Variants in EPPK1 observed in about 807,000 individuals in gnomAD.
EPPK1 encodes the protein epiplakin 1.
For synonymous variants in EPPK1, 1,862 were observed against 1,721.2 expected, an observed-to-expected ratio of 1.08 and a Z score of -2.03; for missense variants, 3,823 against 3,673.3, an observed-to-expected ratio of 1.04 and a Z score of -1.05.
chr8:143,871,380 C>T lies in EPPK1; in HGVS notation c.1874G>A (p.Ser625Asn). ...CCCCTTGCATCGGGCCTCATAGATG[C>T]TCAGGCGTTCCTGGGAGCCAGGGAG... ...LLLPGSQERL[S>N]IYEARCKGLL... Residue 625 changes from serine (S) to asparagine (N), a missense_variant, in exon 2 of 2, where the codon AGC becomes AAC. Transcript: ENST00000615648. 1 of 1,607,034 alleles carries T rather than the reference C, an allele frequency of 6.2e-7. No homozygotes were observed. Among genetic ancestry groups the T allele is most frequent in the Non-Finnish European group, 8.5e-7 (1 of 1,177,800 alleles).
chr8:143,877,814 C>G lies in EPPK1; in HGVS notation c.-46+624G>C, dbSNP rs187441638. Among the ~76,000 whole-genome samples the G allele has an allele frequency of 4.6e-3, 696 of 152,036 alleles. 4 individuals are homozygous for G. The highest frequency in any genetic ancestry group is 0.015 in the African/African-American group (616 of 41,500). On this transcript the variant is annotated intron_variant, in intron 1 of 1. Coordinates refer to ENST00000615648, the MANE Select transcript of EPPK1 (RefSeq NM_031308.4). ...AAGCTTGGCACAGTGCAGCGGGGGC[C>G]CAGGGCAGGGAAGCAGAGCCCTGGG...
rs781874808 is a variant in EPPK1 at position 143,872,483 on chromosome 8, A to G, written c.771T>C (p.Ala257=). 2 of 1,593,020 alleles carry G rather than the reference A, an allele frequency of 1.3e-6. No homozygotes were observed. The highest frequency in any genetic ancestry group is 4.5e-5 in the East Asian group (2 of 44,226). Residue 257 remains alanine (A), a synonymous_variant, in exon 2 of 2, where the codon GCT becomes GCC. Transcript: ENST00000615648. The part of the protein sequence containing the change: ...LLEVGILDEQ[A]VQGLREGRLA... ...GCCTGCCCTCCCGCAGACCCTGCACAGCCTGCTCGTCCAGGATGCCCACCT... is the reference window on the plus strand; with the variant it reads ...GCCTGCCCTCCCGCAGACCCTGCACGGCCTGCTCGTCCAGGATGCCCACCT...
Position 143,857,741 on chromosome 8 carries a change from G to C in EPPK1, c.*246C>G. On this transcript the variant is annotated 3_prime_UTR_variant, in exon 2 of 2. Coordinates refer to ENST00000615648, the MANE Select transcript of EPPK1 (RefSeq NM_031308.4). ...AATGTTCTGAAAACGAAAAAGGAGA[G>C]AAAAGTAAAACCATATGACACATAG... 2 of 420,258 alleles carry C rather than the reference G, an allele frequency of 4.8e-6. No individual in the cohort carries two copies. Among genetic ancestry groups the C allele is most frequent in the Non-Finnish European group, 4.2e-6 (1 of 240,062 alleles). The allele number at this position is 420,258 out of a possible 1,614,324, so 26.0% of individuals were successfully genotyped here. A position where few individuals can be genotyped will look rare whatever the true frequency, so the allele number is the denominator to read the frequency against.
Position 143,872,586 on chromosome 8 carries a change from C to A in EPPK1, c.668G>T (p.Gly223Val). 1 of 1,609,732 alleles carries A rather than the reference C, an allele frequency of 6.2e-7. No individual in the cohort carries two copies. Among genetic ancestry groups the A allele is most frequent in the South Asian group, 1.1e-5 (1 of 90,854 alleles). The change falls in exon 2 of 2, where the codon GGC becomes GTC. Residue 223 changes from glycine to valine, a missense_variant. Transcript: ENST00000615648. ...GAGGGGCAGCAAGGCTAGCCCCGAG[C>A]CGGGGGCACGCACACACCTTTCCAG... is the stretch of plus-strand genomic sequence containing the variant. Reference protein sequence around the residue: ...QLLERCVRAPGSGLALLPLKI... With the variant: ...QLLERCVRAPVSGLALLPLKI...
rs1554660317 is a variant in EPPK1 at position 143,869,358 on chromosome 8, G to A, written c.3896C>T (p.Ser1299Leu). Residue 1299 changes from serine to leucine, a missense_variant, in exon 2 of 2, where the codon TCA (serine) becomes TTA (leucine). Coordinates refer to ENST00000615648, the MANE Select transcript of EPPK1 (RefSeq NM_031308.4). ...GCCGACCTTAACCGCGTCCTCCACT[G>A]ACAGTCTCTGGTTGTTCAGGGGGTC... Reference protein sequence around the residue: ...LVDPLNNQRLSVEDAVKVGLV... With the variant: ...LVDPLNNQRLLVEDAVKVGLV... The A allele has an allele frequency of 6.2e-7, 1 of 1,610,820 alleles. No homozygotes were observed. The highest frequency in any genetic ancestry group is 1.1e-5 in the South Asian group (1 of 90,912).
chr8:143,867,780 T>A lies in EPPK1; in HGVS notation c.5474A>T (p.Glu1825Val). ...QEYGAQSGGL[E>V]KLLEIITTTI... is the part of the protein sequence containing the mutation. ...CGTGGTGATGATTTCCAGCAATTTC[T>A]CCAGGCCCCCACTCTGGGCTCCATA... is the stretch of plus-strand genomic sequence containing the variant. The change falls in exon 2 of 2, where the codon GAG becomes GTG. Residue 1825 changes from glutamate (E) to valine (V), a missense_variant. Physicochemically the swap from Glu to Val is moderately radical, Grantham distance 121 (BLOSUM62 -2). Coordinates refer to ENST00000615648, the MANE Select transcript of EPPK1 (RefSeq NM_031308.4). 6.2e-7 allele frequency: 1 copy of A among 1,613,704 alleles called. No individual in the cohort carries two copies. The highest frequency in any genetic ancestry group is 8.5e-7 in the Non-Finnish European group (1 of 1,179,856).
chr8:143,874,677 G>A (rs1277362236), intron 1 of EPPK1, among the ~76,000 whole-genome samples: 4 of 152,184 alleles, frequency 2.6e-5, no homozygotes, highest in Admixed American at 2.0e-4. Context: ...CCCCTGGTCA[G>A]TGTTCTGCAC....
Position 143,868,432 on chromosome 8 carries a change from G to A in EPPK1, c.4822C>T (p.Gln1608Ter), listed in dbSNP as rs1554659939. The change falls in exon 2 of 2, where the codon CAG becomes TAG. Residue 1608 changes from glutamine (Q) to a stop codon, truncating the protein, a stop_gained. Transcript: ENST00000615648. LOFTEE classifies it low-confidence loss of function (END_TRUNC). Reference sequence around the variant, plus strand: ...TCGATGATGAAGCCGGTAGCTGCCTGTGCCTCCAGCAGCACCAGGGCTGTG... The same window carrying A: ...TCGATGATGAAGCCGGTAGCTGCCTATGCCTCCAGCAGCACCAGGGCTGTG... ...PGTALVLLEAQAATGFIIDPV... is the reference protein window; with the variant it reads ...PGTALVLLEA 6.2e-7 allele frequency: 1 copy of A among 1,612,598 alleles called. No homozygotes were observed. The highest frequency in any genetic ancestry group is 1.1e-5 in the South Asian group (1 of 91,082).
chr8:143,876,428 G>C (rs1195964439), intron 1 of EPPK1, among the ~76,000 whole-genome samples: 1 of 152,204 alleles, frequency 6.6e-6, no homozygotes, highest in Non-Finnish European at 1.5e-5. Context: ...CCAGGCTCAA[G>C]GGCACAGCCT....
In EPPK1 at chr8:143,866,292, AGG is replaced by A; in HGVS notation, c.6960_6961del (p.Phe2322ProfsTer320). The A allele has an allele frequency of 2.0e-6, 1 of 504,594 alleles. No individual in the cohort carries two copies. The highest frequency in any genetic ancestry group is 3.3e-6 in the Non-Finnish European group (1 of 303,996). The allele number at this position is 504,594 out of a possible 1,614,324, so 31.3% of individuals were successfully genotyped here. On this transcript the variant is annotated frameshift_variant, in exon 2 of 2. Coordinates refer to ENST00000615648, the MANE Select transcript of EPPK1 (RefSeq NM_031308.4). LOFTEE classifies it low-confidence loss of function (END_TRUNC). ...GAGGTCCTTCTGCATGGCCTGGAAG[AGG>A]GAGATCTGCTGCCCGGTGTAGGGGT...
chr8:143,876,889 C>T (rs371574889), intron 1 of EPPK1, among the ~76,000 whole-genome samples: 5 of 147,012 alleles, frequency 3.4e-5, no homozygotes, highest in South Asian at 2.2e-4. Context: ...CCAGCGAGGG[C>T]GGGGCAGGGC....
In EPPK1 at chr8:143,871,115, C is replaced by T; in HGVS notation, c.2139G>A (p.Arg713=). ...FQAMQKGLIV[R]EHGIRLLEAQ... is the part of the protein sequence containing the mutation. ...CCTCCAGCAGGCGGATGCCGTGCTC[C>T]CGGACGATGAGGCCCTTCTGCATGG... Residue 713 remains arginine (R), a synonymous_variant, in exon 2 of 2, where the codon CGG becomes CGA. Transcript: ENST00000615648. 1 of 1,613,198 alleles carries T rather than the reference C, an allele frequency of 6.2e-7. No individual in the cohort carries two copies. The highest frequency in any genetic ancestry group is 8.5e-7 in the Non-Finnish European group (1 of 1,180,024).
chr8:143,868,519 G>C lies in EPPK1; in HGVS notation c.4735C>G (p.Gln1579Glu). 1.2e-6 allele frequency: 2 copies of C among 1,608,248 alleles called. No homozygotes were observed. The highest frequency in any genetic ancestry group is 1.7e-6 in the Non-Finnish European group (2 of 1,177,938). ...ATGCTCATCCTCTCCTGGGTGCCCT[G>C]GATAAGGACCCCGGCAATGAAGTTG... Reference protein sequence around the residue: ...GGNFIAGVLIQGTQERMSIPE... With the variant: ...GGNFIAGVLIEGTQERMSIPE... Residue 1579 changes from glutamine (Q) to glutamate (E), a missense_variant, in exon 2 of 2, where the codon CAG becomes GAG. Coordinates refer to ENST00000615648, the MANE Select transcript of EPPK1 (RefSeq NM_031308.4).
In EPPK1 at chr8:143,866,992, C is replaced by T; in HGVS notation, c.6262G>A (p.Ala2088Thr). Residue 2088 changes from alanine to threonine, a missense_variant, in exon 2 of 2, where the codon GCT becomes ACT. Coordinates refer to ENST00000615648, the MANE Select transcript of EPPK1 (RefSeq NM_031308.4). ...TGWLLFPVNK[A>T]ARDSEHIDDE... The stretch of plus-strand genomic sequence containing the variant: ...TCGATGTGCTCGGAGTCCCGTGCAG[C>T]CTTGTTCACTGGGAACAGCAGCCAG... 2.5e-6 allele frequency: 4 copies of T among 1,612,870 alleles called. No homozygotes were observed. Among genetic ancestry groups the T allele is most frequent in the Non-Finnish European group, 3.4e-6 (4 of 1,179,878 alleles).
chr8:143,867,324 C>A lies in EPPK1; in HGVS notation c.5930G>T (p.Gly1977Val), dbSNP rs1313094991. ...GTCTCCTGTGGCCGGATCCCTGTAG[C>A]CCGTGGCAGCTCTTTCAGCCTTCAG... The part of the protein sequence containing the change: ...RLLKAERAAT[G>V]YRDPATGDTI... The change falls in exon 2 of 2, where the codon GGC (glycine) becomes GTC (valine). Residue 1977 changes from glycine (G) to valine (V), a missense_variant. By Grantham distance (109) the Gly-to-Val change is moderately radical (BLOSUM62 -3). Coordinates refer to ENST00000615648, the MANE Select transcript of EPPK1 (RefSeq NM_031308.4). 5.0e-6 allele frequency: 8 copies of A among 1,612,696 alleles called. No individual in the cohort carries two copies. In the South Asian group the frequency reaches 8.8e-5, roughly 18 times the overall value.
chr8:143,866,458 G>A lies in EPPK1; in HGVS notation c.6796C>T (p.Gln2266Ter). 4.1e-6 allele frequency: 6 copies of A among 1,452,188 alleles called. No individual in the cohort carries two copies. The highest frequency in any genetic ancestry group is 5.5e-6 in the Non-Finnish European group (6 of 1,090,128). 90.0% of individuals were successfully genotyped at this position (1,452,188 alleles called of 1,614,324 possible). The change falls in exon 2 of 2, where the codon CAG becomes TAG. Residue 2266 changes from glutamine (Q) to a stop codon, truncating the protein, a stop_gained. Coordinates refer to ENST00000615648, the MANE Select transcript of EPPK1 (RefSeq NM_031308.4). LOFTEE classifies it low-confidence loss of function (END_TRUNC). ...PGTALVLLEA[Q>*]AATGFVIDPV... ...TCGATGACGAAGCCGGTGGCCGCCT[G>A]CGCCTCCAGCAGCACCAGGGCCGTG...
Position 143,873,317 on chromosome 8 carries a change from C to T in EPPK1, c.-45-19G>A. 1 of 1,431,120 alleles carries T rather than the reference C, an allele frequency of 7.0e-7. No homozygotes were observed. The highest frequency in any genetic ancestry group is 9.1e-7 in the Non-Finnish European group (1 of 1,094,600). 88.7% of individuals were successfully genotyped at this position (1,431,120 alleles called of 1,614,324 possible). A position where few individuals can be genotyped will look rare whatever the true frequency, so the allele number is the denominator to read the frequency against. On this transcript the variant is annotated intron_variant, in intron 1 of 1. Coordinates refer to ENST00000615648, the MANE Select transcript of EPPK1 (RefSeq NM_031308.4). Reference sequence around the variant, plus strand: ...CTCTGTCCTGCAGGGGACAGAAAGGCTCAATCAGGGACCCCGCATGGCCTG... The same window carrying T: ...CTCTGTCCTGCAGGGGACAGAAAGGTTCAATCAGGGACCCCGCATGGCCTG...
intron 1 of EPPK1, among the ~76,000 whole-genome samples, chr8:143,877,938 C>T (rs1554662513): frequency 6.6e-6 from 1 of 152,096 alleles, no homozygotes; most frequent in Non-Finnish European, 1.5e-5. Flanking sequence ...CCCCTGGGAC[C>T]GCTCACCCAA....
Position 143,873,180 on chromosome 8 carries a change from G to A in EPPK1, c.74C>T (p.Ala25Val). Residue 25 changes from alanine (A) to valine (V), a missense_variant, in exon 2 of 2, where the codon GCC becomes GTC. By Grantham distance (64) the Ala-to-Val change is moderately conservative. Coordinates refer to ENST00000615648, the MANE Select transcript of EPPK1 (RefSeq NM_031308.4). Reference protein sequence around the residue: ...NSTEQASVPRAMAATLGAGTP... With the variant: ...NSTEQASVPRVMAATLGAGTP... Reference sequence around the variant, plus strand: ...GCCGGCTCCCAGCGTGGCTGCCATGGCTCTGGGTACACTGGCCTGCTCTGT... The same window carrying A: ...GCCGGCTCCCAGCGTGGCTGCCATGACTCTGGGTACACTGGCCTGCTCTGT... 5 of 1,596,606 alleles carry A rather than the reference G, an allele frequency of 3.1e-6. No individual in the cohort carries two copies. Among genetic ancestry groups the A allele is most frequent in the Non-Finnish European group, 4.3e-6 (5 of 1,173,644 alleles).
Sources: gnomAD v4.1 joint callset for allele counts (sites outside exome capture counted in the v4.1 genomes callset) on GRCh38, gnomAD v4.1.1 for gene constraint, MANE v1.5 for transcripts, NCBI Gene and HGNC (gene_info 2026-07-23, HGNC 2026-07-21) for gene names.